Variants in CYP4X1 observed in about 807,000 individuals in gnomAD.
CYP4X1 encodes the protein cytochrome P450 4X1.
CYP4X1 carries 44 observed loss-of-function variants against 57.9 expected under a neutral mutation model. The observed-to-expected ratio is 0.76, with a 90% CI of 0.60 to 0.98. CYP4X1 has a LOEUF of 0.98. Among genes scored for constraint, CYP4X1 ranks in the 50% least tolerant of loss-of-function variants. The probability of loss-of-function intolerance (pLI) is 0.00; values close to 1 mark genes in which losing one functional copy is unlikely to be tolerated. For synonymous variants in CYP4X1, 227 were observed against 228.6 expected (o/e 0.99, Z 0.06); for missense variants, 532 against 623.9 (o/e 0.85, Z 1.57).
the CYP4X1 span, among the ~76,000 whole-genome samples, chr1:47,006,837 G>T: frequency 6.6e-6 from 1 of 152,338 alleles, no homozygotes; most frequent in Non-Finnish European, 1.5e-5. Flanking sequence ...CTCATTGCTA[G>T]CACAGCAGTC....
the CYP4X1 span, among the ~76,000 whole-genome samples, chr1:47,008,495 G>A: frequency 2.0e-5 from 3 of 152,090 alleles, no homozygotes; most frequent in Non-Finnish European, 4.4e-5. Flanking sequence ...ACCATCAAGG[G>A]CAGGAAAAAA....
chr1:47,024,022 A>G lies in CYP4X1; in HGVS notation c.177+28A>G, dbSNP rs762596066. The stretch of plus-strand genomic sequence containing the variant: ...AGATGGGAGGGAGGAGGGAGGAAGG[A>G]GGAGGGAGGGGCGGAGGAGGATGCG... On this transcript the variant is annotated intron_variant, in intron 1 of 11. Coordinates refer to ENST00000371901, the MANE Select transcript of CYP4X1 (RefSeq NM_178033.2). 9 of 1,598,556 alleles carry G rather than the reference A, an allele frequency of 5.6e-6. No homozygotes were observed. In the African/African-American group the frequency reaches 6.7e-5, roughly 12 times the overall value.
At chr1:47,025,165 ACT>A (rs1299424807) in intron 1 of CYP4X1, among the ~76,000 whole-genome samples, 1 of 150,976 alleles carries the variant, frequency 6.6e-6, no homozygotes. Context: ...ATAAGTTCTC[ACT>A]CTCTTAGTCC....
the CYP4X1 span, among the ~76,000 whole-genome samples, chr1:46,998,443 T>C: frequency 6.6e-6 from 1 of 152,208 alleles, no homozygotes; most frequent in African/African-American, 2.4e-5. Context: ...TTTTTTCTTT[T>C]TGAGCTTTTT....
the CYP4X1 span, among the ~76,000 whole-genome samples, chr1:47,014,898 A>C: frequency 4.6e-5 from 7 of 152,344 alleles, no homozygotes; most frequent in African/African-American, 1.7e-4. Context: ...AAACATCAGC[A>C]CAGGTCGTAT....
upstream of CYP4X1, among the ~76,000 whole-genome samples, chr1:47,022,058 ATAT>A (rs1207957020): frequency 6.6e-6 from 1 of 152,186 alleles, no homozygotes; most frequent in Non-Finnish European, 1.5e-5. Context: ...TAGAGGAATC[ATAT>A]GAAAAGCTGA....
At chr1:47,039,607 T>G in intron 8 of CYP4X1, 75 bp downstream of exon 8, 1,073 of 1,063,176 alleles carry the variant, frequency 1.0e-3, no homozygotes, top group Non-Finnish European at 1.3e-3. Context: ...GCTGGTACCT[T>G]AGTGACCCTA....
At chr1:46,999,067 TTTTG>T in the CYP4X1 span, among the ~76,000 whole-genome samples, 1 of 144,468 alleles carries the variant, frequency 6.9e-6, no homozygotes, top group Non-Finnish European at 1.5e-5. Context: ...TGTGTGTGTG[TTTTG>T]GTGCTGAGAA....
the CYP4X1 span, among the ~76,000 whole-genome samples, chr1:46,983,333 A>C: frequency 1.3e-5 from 2 of 152,202 alleles, no homozygotes; most frequent in Non-Finnish European, 2.9e-5. Context: ...GGTGAAGAGC[A>C]GGGAATTGGG....
the CYP4X1 span, among the ~76,000 whole-genome samples, chr1:47,002,589 C>T: frequency 1.3e-5 from 2 of 152,192 alleles, no homozygotes. Context: ...TGTTTACATC[C>T]TTTTTTGCAT....
At chr1:47,009,129 C>T in the CYP4X1 span, among the ~76,000 whole-genome samples, 1 of 152,174 alleles carries the variant, frequency 6.6e-6, no homozygotes, top group Non-Finnish European at 1.5e-5. Flanking sequence ...TTTTCAGCAC[C>T]ACACCACACC....
At chr1:47,004,960 A>G in the CYP4X1 span, among the ~76,000 whole-genome samples, 3 of 152,196 alleles carry the variant, frequency 2.0e-5, no homozygotes, top group Admixed American at 1.3e-4. Flanking sequence ...CACAAATTAT[A>G]AGGTGGCTAG....
At chr1:47,021,318 T>C (rs1275255968), upstream of CYP4X1, among the ~76,000 whole-genome samples, 2 of 152,124 alleles carry the variant, frequency 1.3e-5, no homozygotes, top group Non-Finnish European at 2.9e-5. Flanking sequence ...TACAGAACTT[T>C]ATTCTCCACC....
chr1:46,987,776 G>T, the CYP4X1 span, among the ~76,000 whole-genome samples: 106 of 152,252 alleles, frequency 7.0e-4, 2 homozygotes, highest in Middle Eastern at 3.4e-3. Context: ...AACTGCTCCT[G>T]AATGACTACT....
the CYP4X1 span, among the ~76,000 whole-genome samples, chr1:47,006,467 G>A: frequency 7.0e-4 from 107 of 152,254 alleles, 1 homozygote; most frequent in African/African-American, 2.1e-3. Context: ...CAAGATGGCC[G>A]AATAGGAACA....
chr1:47,012,815 T>A, the CYP4X1 span, among the ~76,000 whole-genome samples: 1 of 152,238 alleles, frequency 6.6e-6, no homozygotes, highest in Non-Finnish European at 1.5e-5. Flanking sequence ...TAAGCTCTTA[T>A]AGTTTCCACT....
intron 1 of CYP4X1, among the ~76,000 whole-genome samples, chr1:47,025,707 A>G (rs1400813494): frequency 6.6e-6 from 1 of 152,058 alleles, no homozygotes; most frequent in African/African-American, 2.4e-5. Context: ...TTTTTTTCCA[A>G]ATCCTCTAAT....
the CYP4X1 span, chr1:46,961,772 C>T: frequency 1.1e-4 from 138 of 1,305,782 alleles, no homozygotes; most frequent in Non-Finnish European, 1.3e-4. Flanking sequence ...TAAGCACCTG[C>T]CTTTCTTGCC....
the CYP4X1 span, among the ~76,000 whole-genome samples, chr1:46,977,361 G>A: frequency 1.3e-5 from 2 of 152,126 alleles, no homozygotes; most frequent in Non-Finnish European, 2.9e-5. Context: ...CGATCAAGTG[G>A]AGGAAAGGGT....
Sources: gnomAD v4.1 joint callset for allele counts (sites outside exome capture counted in the v4.1 genomes callset) on GRCh38, gnomAD v4.1.1 for gene constraint, MANE v1.5 for transcripts, NCBI Gene and HGNC (gene_info 2026-07-23, HGNC 2026-07-21) for gene names.